The following STK31 variants were observed in gnomAD, a reference collection of about 807,000 sequenced individuals.
STK31 encodes the protein serine/threonine kinase 31.
Under a neutral mutation model 129.7 loss-of-function variants are expected in STK31, and 89 were observed. The observed-to-expected ratio is 0.69, with a 90% confidence interval of 0.58 to 0.82. The LOEUF (loss-of-function observed/expected upper bound fraction) is 0.82. STK31 is among the 40% of genes least tolerant of loss of function. The pLI, the probability that STK31 is intolerant of heterozygous loss-of-function variation, is 0.00. For synonymous variants in STK31, 448 were observed against 395.3 expected (o/e 1.13, Z -1.58); for missense variants, 1,187 against 1,176.4 (o/e 1.01, Z -0.13).
chr7:23,713,112 C>T (rs7784817), intron 3 of STK31, among the ~76,000 whole-genome samples: 32,487 of 151,974 alleles, frequency 0.21, 3,683 homozygotes, highest in Admixed American at 0.3. Flanking sequence ...TAGGCAACTG[C>T]GTCGCTGTAT....
In STK31 at chr7:23,754,399, T is replaced by C. The variant is rs1197134257; in HGVS notation, c.1218T>C (p.Ala406=). The stretch of plus-strand genomic sequence containing the variant: ...ATGAAGGGTGCTTTACTACTCCAGC[T>C]TCTTTGAATGGATTAGAGATAATAT... ...VLDEGCFTTP[A]SLNGLEIIWA... is the part of the protein sequence containing the mutation. The change falls in exon 10 of 24, where the codon GCT becomes GCC. Residue 406 remains alanine, a synonymous_variant. Transcript: ENST00000355870. 1 of 1,613,950 alleles carries C rather than the reference T, an allele frequency of 6.2e-7. No individual in the cohort carries two copies. The highest frequency in any genetic ancestry group is 1.3e-5 in the African/African-American group (1 of 74,938).
At chr7:23,752,974 A>T (rs1006675502) in intron 9 of STK31, 142 bp downstream of exon 9, 1 of 610,674 alleles carries the variant, frequency 1.6e-6, no homozygotes, top group Non-Finnish European at 2.9e-6. Context: ...AAAGATAGTT[A>T]TTTCTGAGAT....
chr7:23,824,788 T>C (rs1397185741), intron 23 of STK31, among the ~76,000 whole-genome samples: 2 of 151,622 alleles, frequency 1.3e-5, no homozygotes, highest in African/African-American at 4.8e-5. Flanking sequence ...ACCTAATTTA[T>C]TGAGAGTCTT....
intron 15 of STK31, among the ~76,000 whole-genome samples, chr7:23,778,473 C>T (rs1203016018): frequency 6.6e-6 from 1 of 152,128 alleles, no homozygotes; most frequent in African/African-American, 2.4e-5. Flanking sequence ...TCAGGTACAC[C>T]AGTCAAACGT....
chr7:23,772,242 C>G lies in STK31; in HGVS notation c.1929C>G (p.Leu643=). ...CATTGAAAAGCTTAAAAGCTCTACT[C>G]AGATGGAAATTGGTTGAAAAGAGTA... ...KKTLKSLKAL[L]RWKLVEKSNL... The change falls in exon 15 of 24, where the codon CTC becomes CTG. Residue 643 remains leucine, a synonymous_variant. Transcript: ENST00000355870. 2 of 1,608,492 alleles carry G rather than the reference C, an allele frequency of 1.2e-6. No homozygotes were observed. Among genetic ancestry groups the G allele is most frequent in the Non-Finnish European group, 1.7e-6 (2 of 1,177,828 alleles).
intron 3 of STK31, among the ~76,000 whole-genome samples, chr7:23,714,525 A>G (rs751687203): frequency 5.3e-5 from 8 of 152,214 alleles, no homozygotes; most frequent in Non-Finnish European, 1.0e-4. Flanking sequence ...AGTACATTTT[A>G]TTTAACTCAA....
At chr7:23,752,691 G>A (rs570856206) in intron 8 of STK31, 26 bp from the exon 9 acceptor site, 7 of 1,538,396 alleles carry the variant, frequency 4.6e-6, no homozygotes, top group African/African-American at 4.1e-5. Context: ...TGGGTCTCAC[G>A]AGAATGTGTT....
In STK31 at chr7:23,739,892, T is replaced by G. The variant is rs1458004890; in HGVS notation, c.1017+2814T>G. On this transcript the variant is annotated intron_variant, in intron 8 of 23. Transcript: ENST00000355870. ...GTTACTGTAGCCTTGTAGTATAGTTTGAAGTCAGATAGCGTGATGTCTCCA... is the reference window on the plus strand; with the variant it reads ...GTTACTGTAGCCTTGTAGTATAGTTGGAAGTCAGATAGCGTGATGTCTCCA... 2.0e-5 allele frequency among the ~76,000 whole-genome samples: 3 copies of G among 152,234 alleles called. No individual in the cohort carries two copies. In the East Asian group the frequency reaches 5.8e-4, roughly 29 times the overall value.
chr7:23,731,032 C>A (rs992574607), intron 6 of STK31, among the ~76,000 whole-genome samples: 2 of 150,604 alleles, frequency 1.3e-5, no homozygotes, highest in Non-Finnish European at 3.0e-5. Context: ...TACAGGCACC[C>A]GCCACCACGC....
At chr7:23,730,878 A>ATATATATATATATATATATATATTTTT in intron 6 of STK31, among the ~76,000 whole-genome samples, 26 of 59,534 alleles carry the variant, frequency 4.4e-4, no homozygotes, top group Non-Finnish European at 6.2e-4. Context: ...ATATATATAT[A>ATATATATATATATATATATATATTTTT]TTTTTTTTTT....
intron 23 of STK31, among the ~76,000 whole-genome samples, chr7:23,822,326 G>T (rs969340254): frequency 6.6e-6 from 1 of 151,940 alleles, no homozygotes; most frequent in Non-Finnish European, 1.5e-5. Flanking sequence ...GTGTTTTGTA[G>T]CTTTCTTTGT....
intron 1 of STK31, 119 bp downstream of exon 1, chr7:23,710,454 C>G (rs763749860): frequency 3.2e-6 from 5 of 1,566,900 alleles, no homozygotes; most frequent in Non-Finnish European, 4.3e-6. Context: ...TTTCTGTCAC[C>G]TTCTAGCCGC....
At chr7:23,712,033 T>A in intron 1 of STK31, 66 bp from the exon 2 acceptor site, 1 of 1,291,088 alleles carries the variant, frequency 7.7e-7, no homozygotes, top group Non-Finnish European at 1.1e-6. Context: ...TTGAACATGA[T>A]GTAGTTTAGT....
chr7:23,806,447 T>G (rs1484430590), intron 22 of STK31, among the ~76,000 whole-genome samples: 1 of 152,190 alleles, frequency 6.6e-6, no homozygotes, highest in Non-Finnish European at 1.5e-5. Flanking sequence ...CTCTGAACCT[T>G]AGCAGTGCCT....
chr7:23,754,709 C>A (rs1788946641), intron 10 of STK31, among the ~76,000 whole-genome samples: 1 of 152,092 alleles, frequency 6.6e-6, no homozygotes, highest in East Asian at 1.9e-4. Flanking sequence ...TCCATGTGTT[C>A]TCAATGTTCA....
rs72476098 is a variant in STK31 at position 23,729,511 on chromosome 7, GT to G, written c.483+279del. On this transcript the variant is annotated intron_variant, in intron 6 of 23. Coordinates refer to ENST00000355870, the MANE Select transcript of STK31 (RefSeq NM_031414.5). Reference sequence around the variant, plus strand: ...ATGTTTAAAAGGATAGTCTCTTTTTGTTTTTTTTTTTTTTTTTGAGACAGAG... The same window carrying G: ...ATGTTTAAAAGGATAGTCTCTTTTTGTTTTTTTTTTTTTTTTGAGACAGAG... Among the ~76,000 whole-genome samples, 582 of 121,706 alleles carry G rather than the reference GT, an allele frequency of 4.8e-3. 3 individuals are homozygous for G. The highest frequency in any genetic ancestry group is 0.017 in the African/African-American group (506 of 29,812). The allele number at this position is 121,706 out of a possible 152,430, so 79.8% of individuals were successfully genotyped here.
chr7:23,753,602 C>T (rs1372510146), intron 9 of STK31, among the ~76,000 whole-genome samples: 1 of 152,206 alleles, frequency 6.6e-6, no homozygotes, highest in Non-Finnish European at 1.5e-5. Context: ...TGAAAGCATT[C>T]AGCAAGCCCA....
At chr7:23,722,055 A>G (rs6970861) in intron 4 of STK31, 5,398 of 166,378 alleles carry the variant, frequency 0.032, 254 homozygotes, top group African/African-American at 0.11. Context: ...GTTATTACCA[A>G]TCGTCTGAAG....
At chr7:23,828,461 G>A (rs1241676915) in intron 23 of STK31, among the ~76,000 whole-genome samples, 1 of 152,190 alleles carries the variant, frequency 6.6e-6, no homozygotes, top group African/African-American at 2.4e-5. Flanking sequence ...TATTAGGGTG[G>A]GAGTGACCCG....
Sources: gnomAD v4.1 joint callset for allele counts (sites outside exome capture counted in the v4.1 genomes callset) on GRCh38, gnomAD v4.1.1 for gene constraint, MANE v1.5 for transcripts, NCBI Gene and HGNC (gene_info 2026-07-23, HGNC 2026-07-21) for gene names.